HAPLN4: variants seen among roughly 807,000 people sequenced by gnomAD.
The protein encoded by HAPLN4 is brain link protein 2.
In HAPLN4, 19 loss-of-function variants were observed where a neutral mutation model predicts 28.0. The observed-to-expected ratio is 0.68, with a 90% CI of 0.47 to 1.00. HAPLN4 has a LOEUF of 1.00. Ranked by LOEUF, HAPLN4 falls within the 50% of genes least tolerant of loss-of-function variation. The probability of loss-of-function intolerance (pLI) is 0.00; values close to 1 mark genes in which losing one functional copy is unlikely to be tolerated. For missense variants in HAPLN4, 587 were observed against 602.6 expected, an observed-to-expected ratio of 0.97 and a Z score of 0.27; for synonymous variants, 274 against 273.0, an observed-to-expected ratio of 1.00 and a Z score of -0.03.
In HAPLN4 at chr19:19,258,724, G is replaced by A; in HGVS notation, c.616C>T (p.Leu206=). The A allele has an allele frequency of 6.2e-7, 1 of 1,604,266 alleles. No homozygotes were observed. Reference sequence around the variant, plus strand: ...AACCAGCCCGCGTTGCACCAGTCCAGGCCGTCGCGCCAGGCCGCGTGCAGC... The same window carrying A: ...AACCAGCCCGCGTTGCACCAGTCCAAGCCGTCGCGCCAGGCCGCGTGCAGC... ...EQLHAAWRDG[L]DWCNAGWLRD... Residue 206 remains leucine (L), a synonymous_variant, in exon 4 of 5, where the codon CTG becomes TTG. Coordinates refer to ENST00000291481, the MANE Select transcript of HAPLN4 (RefSeq NM_023002.3). The surrounding 1 kb of genome is among the most constrained non-coding windows in gnomAD (Gnocchi z 6.2).
intron 1 of HAPLN4, 59 bp from the exon 2 acceptor site, chr19:19,261,622 T>TG (rs1669218371): frequency 6.0e-6 from 7 of 1,158,868 alleles, no homozygotes; most frequent in Non-Finnish European, 8.1e-6. Context: ...TTCGGAGGCC[T>TG]GGCTCCCTCC....
At position 19,258,989 on chromosome 19, in the gene HAPLN4, C is replaced by T. The variant is rs2060975513; in HGVS notation, c.485-134G>A. ...CTCACTCTGGCCTCAGACCTGACCA[C>T]GATCCTCCCCAGCTCACACCCCATA... is the stretch of plus-strand genomic sequence containing the variant. On this transcript the variant is annotated intron_variant, in intron 3 of 4. Coordinates refer to ENST00000291481, the MANE Select transcript of HAPLN4 (RefSeq NM_023002.3). The surrounding 1 kb of genome is among the most constrained non-coding windows in gnomAD (Gnocchi z 6.2). The T allele has an allele frequency of 1.5e-6, 1 of 674,968 alleles. No homozygotes were observed. Among genetic ancestry groups the T allele is most frequent in the Non-Finnish European group, 2.4e-6 (1 of 413,876 alleles). The allele number at this position is 674,968 out of a possible 1,614,324, so 41.8% of individuals were successfully genotyped here.
chr19:19,258,872 G>A lies in HAPLN4; in HGVS notation c.485-17C>T, dbSNP rs2060975335. On this transcript the variant is annotated splice_polypyrimidine_tract_variant and intron_variant, in intron 3 of 4. Coordinates refer to ENST00000291481, the MANE Select transcript of HAPLN4 (RefSeq NM_023002.3). The surrounding 1 kb of genome is among the most constrained non-coding windows in gnomAD (Gnocchi z 6.2). Reference sequence around the variant, plus strand: ...AGACCACGCCTGGCGGGGGGCGCACGGGATCAGCAGGTACACCCCAGCCCA... The same window carrying A: ...AGACCACGCCTGGCGGGGGGCGCACAGGATCAGCAGGTACACCCCAGCCCA... 2 of 1,512,356 alleles carry A rather than the reference G, an allele frequency of 1.3e-6. No individual in the cohort carries two copies. Among genetic ancestry groups the A allele is most frequent in the Non-Finnish European group, 1.8e-6 (2 of 1,128,782 alleles). The allele number at this position is 1,512,356 out of a possible 1,614,324, so 93.7% of individuals were successfully genotyped here.
Position 19,256,166 on chromosome 19 carries a change from T to C in HAPLN4, c.*1651A>G, listed in dbSNP as rs917989538. 1 of 152,228 alleles carries C rather than the reference T, an allele frequency of 6.6e-6. No homozygotes were observed. Among genetic ancestry groups the C allele is most frequent in the African/African-American group, 2.4e-5 (1 of 41,448 alleles). 9.4% of individuals were successfully genotyped at this position (152,228 alleles called of 1,614,324 possible). ...AGAGGACAAAAGAGGAGCTCAGTGCTTGCATATCTCAACAGACCAGGGCAC... is the reference window on the plus strand; with the variant it reads ...AGAGGACAAAAGAGGAGCTCAGTGCCTGCATATCTCAACAGACCAGGGCAC... On this transcript the variant is annotated 3_prime_UTR_variant, in exon 5 of 5. Coordinates refer to ENST00000291481, the MANE Select transcript of HAPLN4 (RefSeq NM_023002.3).
chr19:19,261,249 G>T, intron 2 of HAPLN4, 74 bp from the exon 3 acceptor site: 1 of 1,495,746 alleles, frequency 6.7e-7, no homozygotes, highest in Non-Finnish European at 9.1e-7. Context: ...GTGTCTCTGG[G>T]GAGGGGAACG....
rs756183903 is a variant in HAPLN4 at position 19,258,129 on chromosome 19, G to C, written c.897C>G (p.Ala299=). The change falls in exon 5 of 5, where the codon GCC becomes GCG. Residue 299 remains alanine (A), a synonymous_variant. Coordinates refer to ENST00000291481, the MANE Select transcript of HAPLN4 (RefSeq NM_023002.3). This position sits in a 1 kb window ranked among gnomAD's most constrained non-coding sequence, Gnocchi z 6.2. Reference sequence around the variant, plus strand: ...CGAACAGCTGCCCCACCTTGGCCACGGCCGCGCCACGCGCAGCACACGCGC... The same window carrying C: ...CGAACAGCTGCCCCACCTTGGCCACCGCCGCGCCACGCGCAGCACACGCGC... ...AARACAARGA[A]VAKVGQLFAA... 5 of 1,550,732 alleles carry C rather than the reference G, an allele frequency of 3.2e-6. No homozygotes were observed. Among genetic ancestry groups the C allele is most frequent in the Non-Finnish European group, 4.3e-6 (5 of 1,155,144 alleles).
At position 19,261,028 on chromosome 19, in the gene HAPLN4, A is replaced by G; in HGVS notation, c.269T>C (p.Val90Ala). 6.2e-7 allele frequency: 1 copy of G among 1,613,510 alleles called. No homozygotes were observed. Among genetic ancestry groups the G allele is most frequent in the African/African-American group, 1.3e-5 (1 of 75,042 alleles). The change falls in exon 3 of 5, where the codon GTG becomes GCG. Residue 90 changes from valine (V) to alanine (A), a missense_variant. Val to Ala is a moderately conservative substitution (Grantham distance 64). Transcript: ENST00000291481. ...DGVRLKWTKV[V>A]DPLAFTDVFV... is the part of the protein sequence containing the mutation. ...GACGTCGGTGAAGGCCAGCGGGTCC[A>G]CCACCTTTGTCCACTTGAGCCGGAC...
Position 19,262,724 on chromosome 19 carries a change from A to T in HAPLN4, c.3+6T>A, listed in dbSNP as rs747377962. 6.2e-7 allele frequency: 1 copy of T among 1,612,380 alleles called. No individual in the cohort carries two copies. The highest frequency in any genetic ancestry group is 8.5e-7 in the Non-Finnish European group (1 of 1,179,296). ...ACACACCACCCGCGCCCGCAGCCCC[A>T]CTTACCATCTTGCCCGCGCGGCCCC... On this transcript the variant is annotated splice_donor_region_variant and intron_variant, in intron 1 of 4. Transcript: ENST00000291481.
rs1257105291 is a variant in HAPLN4 at position 19,255,018 on chromosome 19, T to C, written c.*2799A>G. 2.0e-5 allele frequency: 3 copies of C among 152,236 alleles called. No individual in the cohort carries two copies. The highest frequency in any genetic ancestry group is 4.8e-5 in the African/African-American group (2 of 41,444). 9.4% of individuals were successfully genotyped at this position (152,236 alleles called of 1,614,324 possible). ...CCCCTGCCCTCAGCCCACATATTCA[T>C]GTCAGGGAAAGTTTGTAATGTCTCT... On this transcript the variant is annotated 3_prime_UTR_variant, in exon 5 of 5. Transcript: ENST00000291481.
Position 19,258,728 on chromosome 19 carries a change from G to T in HAPLN4, c.612C>A (p.Asp204Glu). 1 of 1,603,490 alleles carries T rather than the reference G, an allele frequency of 6.2e-7. No homozygotes were observed. The highest frequency in any genetic ancestry group is 8.5e-7 in the Non-Finnish European group (1 of 1,176,546). Residue 204 changes from aspartate (D) to glutamate (E), a missense_variant, in exon 4 of 5, where the codon GAC (aspartate) becomes GAA (glutamate). Coordinates refer to ENST00000291481, the MANE Select transcript of HAPLN4 (RefSeq NM_023002.3). This position sits in a 1 kb window ranked among gnomAD's most constrained non-coding sequence, Gnocchi z 6.2. ...SAEQLHAAWR[D>E]GLDWCNAGWL... The stretch of plus-strand genomic sequence containing the variant: ...AGCCCGCGTTGCACCAGTCCAGGCC[G>T]TCGCGCCAGGCCGCGTGCAGCTGTT...
intron 3 of HAPLN4, among the ~76,000 whole-genome samples, chr19:19,260,331 C>T (rs1022526358): frequency 1.3e-5 from 2 of 152,212 alleles, no homozygotes; most frequent in African/African-American, 4.8e-5. Flanking sequence ...ATTTTCCTGC[C>T]TCAGCCTCCC....
rs2060969672 is a variant in HAPLN4, at chr19:19,257,734, C to T, written c.*83G>A. 7.4e-7 allele frequency: 1 copy of T among 1,353,518 alleles called. No individual in the cohort carries two copies. The allele number at this position is 1,353,518 out of a possible 1,614,324, so 83.8% of individuals were successfully genotyped here. The stretch of plus-strand genomic sequence containing the variant: ...CAGGGAATGTGGCCAGTGTCCAGGG[C>T]TTCAAGGGCGTGGCCAGGCTCCAGG... On this transcript the variant is annotated 3_prime_UTR_variant, in exon 5 of 5. Coordinates refer to ENST00000291481, the MANE Select transcript of HAPLN4 (RefSeq NM_023002.3).
intron 3 of HAPLN4, among the ~76,000 whole-genome samples, chr19:19,259,324 C>T (rs946050598): frequency 6.6e-6 from 1 of 152,140 alleles, no homozygotes; most frequent in Non-Finnish European, 1.5e-5. Context: ...GGTGAAGACC[C>T]CTTTGATTCC....
At position 19,255,256 on chromosome 19, in the gene HAPLN4, C is replaced by T. The variant is rs1280130319; in HGVS notation, c.*2561G>A. On this transcript the variant is annotated 3_prime_UTR_variant, in exon 5 of 5. Transcript: ENST00000291481. The stretch of plus-strand genomic sequence containing the variant: ...CCCCACTTCCAAAGAGAATAAAAAT[C>T]AAGCCCGGCCAGGCGCAGTGGCTCA... 6.6e-6 allele frequency: 1 copy of T among 152,096 alleles called. No homozygotes were observed. The highest frequency in any genetic ancestry group is 2.4e-5 in the African/African-American group (1 of 41,390). 9.4% of individuals were successfully genotyped at this position (152,096 alleles called of 1,614,324 possible).
At chr19:19,260,722 G>T in intron 3 of HAPLN4, 91 bp downstream of exon 3, 1 of 1,491,790 alleles carries the variant, frequency 6.7e-7, no homozygotes, top group South Asian at 1.3e-5. Context: ...CTAAATGCCT[G>T]CAGGCCAACT....
intron 3 of HAPLN4, among the ~76,000 whole-genome samples, chr19:19,259,112 C>T (rs888823196): frequency 6.6e-6 from 1 of 152,186 alleles, no homozygotes; most frequent in Non-Finnish European, 1.5e-5. Context: ...GGACTTTGCT[C>T]ATGCTCTTTC....
At position 19,256,615 on chromosome 19, in the gene HAPLN4, G is replaced by A. The variant is rs540437078; in HGVS notation, c.*1202C>T. On this transcript the variant is annotated 3_prime_UTR_variant, in exon 5 of 5. Transcript: ENST00000291481. ...TCCAAACCGCCTGGGGGTGGAGCAT[G>A]GAGGGTGGTCTGGAACTGGAGTGGG... The A allele has an allele frequency of 6.5e-6, 1 of 152,782 alleles. No homozygotes were observed. The highest frequency in any genetic ancestry group is 2.1e-4 in the South Asian group (1 of 4,832). 9.5% of individuals were successfully genotyped at this position (152,782 alleles called of 1,614,324 possible). A position where few individuals can be genotyped will look rare whatever the true frequency, so the allele number is the denominator to read the frequency against.
rs1374226968 is a variant in HAPLN4 at position 19,257,575 on chromosome 19, T to C, written c.*242A>G. The C allele has an allele frequency of 2.5e-6, 1 of 393,228 alleles. No individual in the cohort carries two copies. Among genetic ancestry groups the C allele is most frequent in the Non-Finnish European group, 4.4e-6 (1 of 228,876 alleles). 24.4% of individuals were successfully genotyped at this position (393,228 alleles called of 1,614,324 possible). On this transcript the variant is annotated 3_prime_UTR_variant, in exon 5 of 5. Transcript: ENST00000291481. ...GGGGGCGTGACCCTCATGGAGAAAG[T>C]TGGGGAGTTGGGGGAATCCTCTATC... is the stretch of plus-strand genomic sequence containing the variant.
At position 19,258,861 on chromosome 19, in the gene HAPLN4, G is replaced by A. The variant is rs558254410; in HGVS notation, c.485-6C>T. ...GTGGTAGGGAAAGACCACGCCTGGCGGGGGGCGCACGGGATCAGCAGGTAC... is the reference window on the plus strand; with the variant it reads ...GTGGTAGGGAAAGACCACGCCTGGCAGGGGGCGCACGGGATCAGCAGGTAC... On this transcript the variant is annotated splice_region_variant and splice_polypyrimidine_tract_variant and intron_variant, in intron 3 of 4. Transcript: ENST00000291481. The surrounding 1 kb of genome is among the most constrained non-coding windows in gnomAD (Gnocchi z 6.2). 28 of 1,536,112 alleles carry A rather than the reference G, an allele frequency of 1.8e-5. No individual in the cohort carries two copies. Among genetic ancestry groups the A allele is most frequent in the Non-Finnish European group, 2.4e-5 (27 of 1,140,664 alleles).
Sources: allele counts gnomAD v4.1 joint callset (sites outside exome capture counted in the v4.1 genomes callset), GRCh38; gene constraint gnomAD v4.1.1; non-coding constraint Gnocchi (gnomAD v3.1); transcripts MANE v1.5; gene names NCBI Gene and HGNC (gene_info 2026-07-23, HGNC 2026-07-21).